The following SPECC1 variants were observed in gnomAD, a reference collection of about 807,000 sequenced individuals.
The protein encoded by SPECC1 is cytospin-B.
A neutral mutation model predicts 104.1 loss-of-function variants in SPECC1; 62 were observed. That is an observed-to-expected ratio of 0.60 (90% CI 0.49 to 0.74). The LOEUF is 0.74. Ranked by LOEUF, SPECC1 falls within the 30% of genes least tolerant of loss-of-function variation. SPECC1 has a pLI of 0.00. For synonymous variants in SPECC1, 513 were observed against 501.6 expected (o/e 1.02, Z -0.30); for missense variants, 1,306 against 1,310.5 (o/e 1.00, Z 0.05).
chr17:20,175,134 T>A (rs1460464062), intron 3 of SPECC1, among the ~76,000 whole-genome samples: 1 of 151,958 alleles, frequency 6.6e-6, no homozygotes, highest in Non-Finnish European at 1.5e-5. Flanking sequence ...GTTTCTGGGG[T>A]AATGCTGTGG....
At chr17:20,190,098 T>C (rs2035561064) in intron 3 of SPECC1, among the ~76,000 whole-genome samples, 1 of 137,814 alleles carries the variant, frequency 7.3e-6, no homozygotes, top group Admixed American at 7.0e-5. Flanking sequence ...AGTCCAGCTG[T>C]GGAAAAAACT....
intron 1 of SPECC1, among the ~76,000 whole-genome samples, chr17:20,070,432 T>G (rs1283669837): frequency 6.6e-6 from 1 of 152,218 alleles, no homozygotes; most frequent in Non-Finnish European, 1.5e-5. Flanking sequence ...TTTGACCAAC[T>G]TTGAATTTCT....
intron 14 of SPECC1, among the ~76,000 whole-genome samples, chr17:20,309,965 G>A (rs1045214341): frequency 1.3e-5 from 2 of 151,538 alleles, no homozygotes; most frequent in African/African-American, 2.4e-5. Flanking sequence ...TTATAGGCAC[G>A]CACCACCATG....
At chr17:20,286,866 G>T (rs185649464) in intron 12 of SPECC1, among the ~76,000 whole-genome samples, 1 of 152,338 alleles carries the variant, frequency 6.6e-6, no homozygotes, top group East Asian at 1.9e-4. Context: ...ATGATGGCAT[G>T]ATCCCATCGC....
intron 3 of SPECC1, chr17:20,156,217 G>T (rs1402649530): frequency 7.1e-7 from 1 of 1,417,176 alleles, no homozygotes; most frequent in Non-Finnish European, 9.2e-7. Flanking sequence ...ACTCAGGACG[G>T]CCCGAGGATC....
chr17:20,284,577 A>G (rs959628421), intron 12 of SPECC1, among the ~76,000 whole-genome samples: 4 of 152,252 alleles, frequency 2.6e-5, no homozygotes, highest in Non-Finnish European at 4.4e-5. Context: ...GAGATTTCAC[A>G]TGAAATGTTA....
intron 3 of SPECC1, among the ~76,000 whole-genome samples, chr17:20,198,567 T>C (rs1306989711): frequency 6.6e-6 from 1 of 152,200 alleles, no homozygotes; most frequent in Non-Finnish European, 1.5e-5. Context: ...CAAGGCAGAT[T>C]AATCCAAAGA....
At chr17:20,184,931 G>T (rs143661665) in intron 3 of SPECC1, among the ~76,000 whole-genome samples, 3 of 152,346 alleles carry the variant, frequency 2.0e-5, no homozygotes, top group East Asian at 3.9e-4. Context: ...GTGGAGTGAA[G>T]AAACAGGATC....
chr17:20,107,164 A>G (rs1367778323), intron 2 of SPECC1, among the ~76,000 whole-genome samples: 3 of 149,212 alleles, frequency 2.0e-5, no homozygotes, highest in Non-Finnish European at 3.0e-5. Flanking sequence ...AAAAAAAAAA[A>G]AAAAAGAAAA....
At chr17:20,055,713 G>A (rs982011026) in intron 1 of SPECC1, among the ~76,000 whole-genome samples, 1 of 152,182 alleles carries the variant, frequency 6.6e-6, no homozygotes, top group Non-Finnish European at 1.5e-5. Context: ...GAGTCTTTGG[G>A]GATGAGGGTT....
chr17:20,273,802 G>A (rs1054356136), intron 12 of SPECC1, among the ~76,000 whole-genome samples: 5 of 152,186 alleles, frequency 3.3e-5, no homozygotes, highest in African/African-American at 1.2e-4. Flanking sequence ...GGTCTGTTAT[G>A]TTAGTTATCT....
chr17:20,104,493 G>A (rs1187106160), intron 2 of SPECC1, among the ~76,000 whole-genome samples: 1 of 151,834 alleles, frequency 6.6e-6, no homozygotes. Context: ...CTGTAATCCC[G>A]CCACTTTGGG....
intron 1 of SPECC1, among the ~76,000 whole-genome samples, chr17:20,050,999 T>C (rs989868957): frequency 6.6e-6 from 1 of 152,186 alleles, no homozygotes; most frequent in African/African-American, 2.4e-5. Context: ...TTACTGAAAA[T>C]AGCGTGCATG....
intron 4 of SPECC1, among the ~76,000 whole-genome samples, chr17:20,215,305 G>A (rs2037417830): frequency 6.6e-6 from 1 of 152,232 alleles, no homozygotes; most frequent in Non-Finnish European, 1.5e-5. Flanking sequence ...CTGAATTCTT[G>A]ACCATTCTCT....
chr17:20,117,268 A>T (rs1256814620), intron 3 of SPECC1, among the ~76,000 whole-genome samples: 1 of 152,200 alleles, frequency 6.6e-6, no homozygotes, highest in African/African-American at 2.4e-5. Flanking sequence ...TTTAAATATT[A>T]AAAAATGAAA....
At chr17:20,246,752 C>T (rs2039440191) in intron 8 of SPECC1, among the ~76,000 whole-genome samples, 1 of 152,118 alleles carries the variant, frequency 6.6e-6, no homozygotes, top group Non-Finnish European at 1.5e-5. Context: ...ATCTTTCTTC[C>T]CCAGAGTGCA....
intron 3 of SPECC1, among the ~76,000 whole-genome samples, chr17:20,152,299 AAAAAT>A (rs918902777): frequency 1.1e-4 from 17 of 152,200 alleles, no homozygotes; most frequent in African/African-American, 3.6e-4. Context: ...AACTGTCTCA[AAAAAT>A]AAAATAAAAT....
rs766762695 is a variant in SPECC1 at position 20,227,579 on chromosome 17, C to T, written c.2030C>T (p.Ala677Val). The T allele has an allele frequency of 1.1e-5, 17 of 1,611,492 alleles. No individual in the cohort carries two copies. The highest frequency in any genetic ancestry group is 1.4e-5 in the Non-Finnish European group (17 of 1,179,470). Residue 677 changes from alanine to valine, a missense_variant, in exon 5 of 15, where the codon GCT becomes GTT. This residue lies in a region of SPECC1 where 1,177 missense variants were observed against 1,139.9 expected (regional missense o/e 1.03). Transcript: ENST00000395527. The stretch of plus-strand genomic sequence containing the variant: ...GAAGATCAGGTGGAACAGCACCGGG[C>T]TGTCAAGTTACACAATAATCAACTC... ...ELEDQVEQHR[A>V]VKLHNNQLIS... is the part of the protein sequence containing the mutation.
intron 13 of SPECC1, among the ~76,000 whole-genome samples, chr17:20,297,466 A>G (rs1469644426): frequency 1.3e-5 from 2 of 152,228 alleles, no homozygotes; most frequent in South Asian, 2.1e-4. Context: ...TAAGAAATCT[A>G]TGTGACTGTT....
Sources: gnomAD v4.1 joint callset for allele counts (sites outside exome capture counted in the v4.1 genomes callset) on GRCh38, gnomAD v4.1.1 for gene constraint, gnomAD v4.1.1 regional missense constraint, MANE v1.5 for transcripts, NCBI Gene and HGNC (gene_info 2026-07-23, HGNC 2026-07-21) for gene names.